The following ANKFN1 variants were observed in gnomAD, a reference collection of about 807,000 sequenced individuals.
ANKFN1 encodes the protein ankyrin repeat and fibronectin type III domain containing 1, also known as ankyrin repeat and fibronectin type-III domain-containing protein 1.
A neutral mutation model predicts 108.7 loss-of-function variants in ANKFN1; 74 were observed. The observed-to-expected ratio is 0.68, with a 90% CI of 0.56 to 0.83. The LOEUF (loss-of-function observed/expected upper bound fraction) is 0.83. Among genes scored for constraint, ANKFN1 ranks in the 40% least tolerant of loss-of-function variants. The probability of loss-of-function intolerance (pLI) is 0.00; values close to 1 mark genes in which losing one functional copy is unlikely to be tolerated. For synonymous variants in ANKFN1, 547 were observed against 516.2 expected (o/e 1.06, Z -0.81); for missense variants, 1,505 against 1,382.3 (o/e 1.09, Z -1.41).
rs577905950 is a variant in ANKFN1, at chr17:56,390,169, G to A, written c.910+15455G>A. On this transcript the variant is annotated intron_variant, in intron 8 of 20. Coordinates refer to ENST00000682825, the MANE Select transcript of ANKFN1 (RefSeq NM_001370326.1). ...AGGTTTTAAGCCCCACATGCATTAC[G>A]TATTTGTCCTATTGCTCTCCCTCCC... Among the ~76,000 whole-genome samples, 415 of 152,084 alleles carry A rather than the reference G, an allele frequency of 2.7e-3. 1 individual carries two copies. The highest frequency in any genetic ancestry group is 9.3e-3 in the African/African-American group (385 of 41,478).
At chr17:56,454,433 G>A (rs1023047386) in intron 11 of ANKFN1, among the ~76,000 whole-genome samples, 2 of 152,090 alleles carry the variant, frequency 1.3e-5, no homozygotes, top group Non-Finnish European at 2.9e-5. Flanking sequence ...TTTTCTGTAA[G>A]TTGGTCTTTG....
In ANKFN1 at chr17:56,428,653, C is replaced by T. The variant is rs980920077; in HGVS notation, c.911-11674C>T. Among the ~76,000 whole-genome samples the T allele has an allele frequency of 4.0e-5, 6 of 151,674 alleles. No individual in the cohort carries two copies. The East Asian group carries it at 5.9e-4, about 15-fold the overall frequency. The stretch of plus-strand genomic sequence containing the variant: ...AATTTTTGTATTTTTAGTAGAGATG[C>T]GGTTTCACCATATTGGTCAGGCTGG... On this transcript the variant is annotated intron_variant, in intron 8 of 20. Coordinates refer to ENST00000682825, the MANE Select transcript of ANKFN1 (RefSeq NM_001370326.1).
chr17:56,054,446 C>A (rs145513501), intron 4 of ANKFN1, among the ~76,000 whole-genome samples: 2 of 152,200 alleles, frequency 1.3e-5, no homozygotes, highest in Non-Finnish European at 2.9e-5. Flanking sequence ...AGAGACATTG[C>A]GGGTTTGGTT....
intron 8 of ANKFN1, among the ~76,000 whole-genome samples, chr17:56,414,539 C>A (rs757974703): frequency 3.3e-5 from 5 of 152,102 alleles, no homozygotes; most frequent in Non-Finnish European, 7.4e-5. Context: ...TTAAAAAGAT[C>A]ATTCACCATG....
Position 56,514,449 on chromosome 17 carries a change from G to C in ANKFN1, c.*3180G>C, listed in dbSNP as rs1405521880. ...TGGGCTACATCTTTGATTTCTTCTT[G>C]CTGTACAGACTCCTGAGGGAGTACA... On this transcript the variant is annotated 3_prime_UTR_variant, in exon 21 of 21. Transcript: ENST00000682825. Among the ~76,000 whole-genome samples, 1 of 152,144 alleles carries C rather than the reference G, an allele frequency of 6.6e-6. No homozygotes were observed. The highest frequency in any genetic ancestry group is 2.4e-5 in the African/African-American group (1 of 41,422).
Position 56,489,776 on chromosome 17 carries a change from C to G in ANKFN1, c.2261-2411C>G, listed in dbSNP as rs181972202. 2.6e-4 allele frequency among the ~76,000 whole-genome samples: 39 copies of G among 152,118 alleles called. No individual in the cohort carries two copies. In the East Asian group the frequency reaches 6.8e-3, roughly 26 times the overall value. Reference sequence around the variant, plus strand: ...GAAAGGCAGGGTTTGAGACACTTCACTCTTGTCACTTTCCAGCCAAGAGAG... The same window carrying G: ...GAAAGGCAGGGTTTGAGACACTTCAGTCTTGTCACTTTCCAGCCAAGAGAG... On this transcript the variant is annotated intron_variant, in intron 18 of 20. Coordinates refer to ENST00000682825, the MANE Select transcript of ANKFN1 (RefSeq NM_001370326.1).
rs1473048145 is a variant in ANKFN1 at position 56,153,510 on chromosome 17, A to G, written c.-91A>G. The G allele has an allele frequency of 6.2e-7, 1 of 1,614,100 alleles. No homozygotes were observed. Among genetic ancestry groups the G allele is most frequent in the Non-Finnish European group, 8.5e-7 (1 of 1,179,952 alleles). On this transcript the variant is annotated 5_prime_UTR_variant, in exon 1 of 21. An upstream start codon of the reference 5' UTR is lost. Coordinates refer to ENST00000682825, the MANE Select transcript of ANKFN1 (RefSeq NM_001370326.1). Reference sequence around the variant, plus strand: ...TCAAGAGCTCAGTCCTGTGTCTCTCATGGAGGCGTCTCTAACCAGGGTAGG... The same window carrying G: ...TCAAGAGCTCAGTCCTGTGTCTCTCGTGGAGGCGTCTCTAACCAGGGTAGG...
chr17:56,488,171 C>T (rs1176504214), intron 18 of ANKFN1, among the ~76,000 whole-genome samples: 1 of 152,170 alleles, frequency 6.6e-6, no homozygotes, highest in Non-Finnish European at 1.5e-5. Flanking sequence ...ATAAATCAGG[C>T]TGACACTGGA....
At chr17:56,290,220 T>C (rs937020531) in intron 3 of ANKFN1, among the ~76,000 whole-genome samples, 1 of 152,186 alleles carries the variant, frequency 6.6e-6, no homozygotes, top group Non-Finnish European at 1.5e-5. Flanking sequence ...TCAACTCTCT[T>C]GTTCTACAAA....
chr17:56,424,459 C>G (rs1440127935), intron 8 of ANKFN1, among the ~76,000 whole-genome samples: 1 of 152,120 alleles, frequency 6.6e-6, no homozygotes, highest in Non-Finnish European at 1.5e-5. Flanking sequence ...GAGAAAAATA[C>G]ATAACATGGT....
At chr17:56,226,336 G>A (rs1452514502) in intron 2 of ANKFN1, among the ~76,000 whole-genome samples, 1 of 152,114 alleles carries the variant, frequency 6.6e-6, no homozygotes, top group African/African-American at 2.4e-5. Context: ...CCTCTTACCT[G>A]TATAAAGAGG....
intron 4 of ANKFN1, among the ~76,000 whole-genome samples, chr17:56,348,523 T>C (rs939409519): frequency 1.3e-5 from 2 of 152,144 alleles, no homozygotes; most frequent in Admixed American, 1.3e-4. Context: ...AAAGGTCTGA[T>C]ATCCAGCATC....
chr17:56,359,864 G>T (rs1567942629), intron 6 of ANKFN1, among the ~76,000 whole-genome samples: 1 of 152,094 alleles, frequency 6.6e-6, no homozygotes, highest in South Asian at 2.1e-4. Flanking sequence ...CCCCACACTT[G>T]CTCCAACAGT....
intron 3 of ANKFN1, among the ~76,000 whole-genome samples, chr17:56,265,415 C>A (rs1259111649): frequency 6.6e-6 from 1 of 152,204 alleles, no homozygotes; most frequent in African/African-American, 2.4e-5. Flanking sequence ...ATGGAGGAAA[C>A]CATCCCCATG....
rs118100383 is a variant in ANKFN1 at position 56,351,728 on chromosome 17, G to A, written c.390+761G>A. Among the ~76,000 whole-genome samples, 32 of 152,284 alleles carry A rather than the reference G, an allele frequency of 2.1e-4. No homozygotes were observed. The East Asian group carries it at 4.6e-3, about 22-fold the overall frequency. On this transcript the variant is annotated intron_variant, in intron 5 of 20. Transcript: ENST00000682825. ...AGTGAGTTATGTAATAGAGAATGGC[G>A]TAAATAGTGGAACTCATGATGTTAC...
At chr17:56,491,939 C>T (rs2051052756) in intron 18 of ANKFN1, among the ~76,000 whole-genome samples, 2 of 152,304 alleles carry the variant, frequency 1.3e-5, no homozygotes, top group South Asian at 4.1e-4. Context: ...CACATAACTG[C>T]AGCTTTAGCC....
chr17:56,364,515 G>A (rs2046610429), intron 6 of ANKFN1, among the ~76,000 whole-genome samples: 1 of 152,144 alleles, frequency 6.6e-6, no homozygotes, highest in South Asian at 2.1e-4. Flanking sequence ...GAAAATATTG[G>A]CAGAAAACAT....
rs190600308 is a variant in ANKFN1 at position 56,322,256 on chromosome 17, G to A, written c.54-3965G>A. 2.6e-5 allele frequency among the ~76,000 whole-genome samples: 4 copies of A among 152,196 alleles called. No individual in the cohort carries two copies. In the East Asian group the frequency reaches 5.8e-4, roughly 22 times the overall value. On this transcript the variant is annotated intron_variant, in intron 3 of 20. Coordinates refer to ENST00000682825, the MANE Select transcript of ANKFN1 (RefSeq NM_001370326.1). The stretch of plus-strand genomic sequence containing the variant: ...GCTAAAACTTTAAGTCACCTTCAAC[G>A]TGTCTCTCTCTCTCATCCTCCCCAT...
At chr17:56,263,311 T>A (rs1567871490) in intron 3 of ANKFN1, among the ~76,000 whole-genome samples, 1 of 152,228 alleles carries the variant, frequency 6.6e-6, no homozygotes, top group Non-Finnish European at 1.5e-5. Context: ...TTGGCATATA[T>A]GGATTCAAAG....
Sources: allele counts gnomAD v4.1 joint callset (sites outside exome capture counted in the v4.1 genomes callset), GRCh38; gene constraint gnomAD v4.1.1; transcripts MANE v1.5; gene names NCBI Gene and HGNC (gene_info 2026-07-23, HGNC 2026-07-21).